Variants in KCNIP1 observed in about 807,000 individuals in gnomAD.
The protein encoded by KCNIP1 is potassium voltage-gated channel interacting protein 1, also known as A-type potassium channel modulatory protein KCNIP1.
KCNIP1 carries 18 observed loss-of-function variants against 33.0 expected under a neutral mutation model. The observed-to-expected ratio is 0.55, with a 90% CI of 0.38 to 0.81. The LOEUF (loss-of-function observed/expected upper bound fraction) is 0.81. KCNIP1 is among the 30% of genes least tolerant of loss of function. The probability of loss-of-function intolerance (pLI) is 0.00; values close to 1 mark genes in which losing one functional copy is unlikely to be tolerated. For synonymous variants in KCNIP1, 93 were observed against 98.3 expected (o/e 0.95, Z 0.32); for missense variants, 238 against 271.6 (o/e 0.88, Z 0.87).
intron 1 of KCNIP1, among the ~76,000 whole-genome samples, chr5:170,635,896 A>C (rs1760261726): frequency 6.6e-6 from 1 of 152,206 alleles, no homozygotes; most frequent in Non-Finnish European, 1.5e-5. Flanking sequence ...GCCCAGACAC[A>C]GGCCGGGAGG....
At chr5:170,719,569 G>A (rs1763748871) in intron 2 of KCNIP1, among the ~76,000 whole-genome samples, 1 of 152,100 alleles carries the variant, frequency 6.6e-6, no homozygotes, top group Admixed American at 6.5e-5. Context: ...GAGTGGGGTG[G>A]GCTACAGCGA....
chr5:170,732,760 C>A (rs376520679), intron 5 of KCNIP1, 40 bp from the exon 6 acceptor site: 25 of 1,370,754 alleles, frequency 1.8e-5, no homozygotes, highest in Non-Finnish European at 2.6e-5. Context: ...AGCTTGACCT[C>A]ATGGTTTCCA....
intron 1 of KCNIP1, among the ~76,000 whole-genome samples, chr5:170,666,469 T>C (rs1311848297): frequency 6.6e-6 from 1 of 152,226 alleles, no homozygotes; most frequent in Non-Finnish European, 1.5e-5. Flanking sequence ...TGGCTCCTAT[T>C]ATAATTTTCA....
chr5:170,481,740 G>A (rs1756981965), intron 1 of KCNIP1, among the ~76,000 whole-genome samples: 1 of 152,140 alleles, frequency 6.6e-6, no homozygotes, highest in South Asian at 2.1e-4. Flanking sequence ...TTATCTGAAG[G>A]GGCTTATGAA....
At chr5:170,450,634 C>T (rs1289157598) in intron 1 of KCNIP1, among the ~76,000 whole-genome samples, 2 of 152,150 alleles carry the variant, frequency 1.3e-5, no homozygotes, top group Non-Finnish European at 2.9e-5. Context: ...CTGTAAACCC[C>T]TTGTAGCTCT....
chr5:170,517,445 G>A (rs943140060), intron 1 of KCNIP1, among the ~76,000 whole-genome samples: 6 of 152,206 alleles, frequency 3.9e-5, no homozygotes, highest in African/African-American at 9.6e-5. Context: ...TGATGGCAGA[G>A]GTGTTGGTGA....
intron 1 of KCNIP1, among the ~76,000 whole-genome samples, chr5:170,604,810 T>C (rs975191642): frequency 6.6e-6 from 1 of 152,174 alleles, no homozygotes; most frequent in South Asian, 2.1e-4. Flanking sequence ...CCAAGACAGG[T>C]TCAGCCCCCC....
In KCNIP1 at chr5:170,682,784, C is replaced by CTTTTTTTTTTTTTTTTTTT. The variant is rs70979196; in HGVS notation, c.62-35967_62-35949dup. ...CAACAGCGTCCTATTTTCTTTGTTT[C>CTTTTTTTTTTTTTTTTTTT]TTTTTTTTTTTTTTTTTTTTTTTTT... On this transcript the variant is annotated intron_variant, in intron 1 of 7. Transcript: ENST00000328939. Among the ~76,000 whole-genome samples the CTTTTTTTTTTTTTTTTTTT allele has an allele frequency of 4.2e-3, 300 of 71,374 alleles. 49 individuals carry two copies. Among genetic ancestry groups the CTTTTTTTTTTTTTTTTTTT allele is most frequent in the South Asian group, 0.012 (15 of 1,224 alleles). 46.8% of individuals were successfully genotyped at this position (71,374 alleles called of 152,430 possible). A position where few individuals can be genotyped will look rare whatever the true frequency, so the allele number is the denominator to read the frequency against.
rs538523582 is a variant in KCNIP1, at chr5:170,354,934, G to A, written c.88+970G>A. 6.6e-5 allele frequency among the ~76,000 whole-genome samples: 10 copies of A among 152,308 alleles called. No individual in the cohort carries two copies. The East Asian group carries it at 1.5e-3, about 24-fold the overall frequency. Reference sequence around the variant, plus strand: ...GGGAGAGAGGCACTGGAAGCAGCAGGCAGAATATTCAGGGAAGGAGCCCAC... The same window carrying A: ...GGGAGAGAGGCACTGGAAGCAGCAGACAGAATATTCAGGGAAGGAGCCCAC... On this transcript the variant is annotated intron_variant, in intron 1 of 7. Coordinates refer to the KCNIP1 transcript ENST00000377360.
intron 1 of KCNIP1, among the ~76,000 whole-genome samples, chr5:170,492,967 A>C (rs746604969): frequency 1.3e-5 from 2 of 152,008 alleles, no homozygotes; most frequent in Admixed American, 1.3e-4. Context: ...CCAGGATGGT[A>C]TTGATTCCCT....
At chr5:170,725,541 G>T (rs1246998064) in intron 5 of KCNIP1, among the ~76,000 whole-genome samples, 1 of 152,066 alleles carries the variant, frequency 6.6e-6, no homozygotes, top group African/African-American at 2.4e-5. Context: ...GGGCTGTGGG[G>T]GAAGTTAGGA....
At position 170,360,831 on chromosome 5, in the gene KCNIP1, G is replaced by A. The variant is rs116566234; in HGVS notation, c.88+6867G>A. Among the ~76,000 whole-genome samples the A allele has an allele frequency of 3.4e-3, 515 of 152,354 alleles. 4 individuals carry two copies. Among genetic ancestry groups the A allele is most frequent in the African/African-American group, 0.012 (497 of 41,578 alleles). On this transcript the variant is annotated intron_variant, in intron 1 of 7. Coordinates refer to the KCNIP1 transcript ENST00000377360. ...AGTGCCTCAAGCACCTGCAGCCGAGGAAGGAAGGTTGAATAAATAACGACT... is the reference window on the plus strand; with the variant it reads ...AGTGCCTCAAGCACCTGCAGCCGAGAAAGGAAGGTTGAATAAATAACGACT...
intron 1 of KCNIP1, among the ~76,000 whole-genome samples, chr5:170,626,178 G>T (rs534277666): frequency 4.6e-5 from 7 of 152,174 alleles, no homozygotes; most frequent in African/African-American, 9.7e-5. Flanking sequence ...TGCATGCCAG[G>T]CCTGTGCCAC....
chr5:170,628,627 C>T (rs961809715), intron 1 of KCNIP1, among the ~76,000 whole-genome samples: 3 of 152,072 alleles, frequency 2.0e-5, no homozygotes, highest in African/African-American at 7.2e-5. Flanking sequence ...TGTCATAAAC[C>T]GCAGCATGGG....
At chr5:170,652,498 A>AAAAAGGAAGG (rs33995162) in intron 1 of KCNIP1, among the ~76,000 whole-genome samples, 17 of 103,048 alleles carry the variant, frequency 1.6e-4, no homozygotes, top group South Asian at 3.7e-4. Context: ...AAAAAAAAAA[A>AAAAAGGAAGG]AAGGAAGGAA....
intron 1 of KCNIP1, among the ~76,000 whole-genome samples, chr5:170,550,038 T>C (rs1173806112): frequency 6.6e-6 from 1 of 152,124 alleles, no homozygotes; most frequent in Non-Finnish European, 1.5e-5. Context: ...TGTAGGAGCA[T>C]TGGACTGTCG....
chr5:170,398,103 T>A (rs533666478), intron 1 of KCNIP1, among the ~76,000 whole-genome samples: 1 of 152,190 alleles, frequency 6.6e-6, no homozygotes, highest in African/African-American at 2.4e-5. Flanking sequence ...CGTTAAATGC[T>A]GGTCAGCTTT....
chr5:170,521,659 T>C (rs896179611), intron 1 of KCNIP1, among the ~76,000 whole-genome samples: 1 of 152,198 alleles, frequency 6.6e-6, no homozygotes, highest in Non-Finnish European at 1.5e-5. Context: ...CGGCCACCTT[T>C]AGGAGTGACA....
At chr5:170,670,902 CA>C (rs71310043) in intron 1 of KCNIP1, among the ~76,000 whole-genome samples, 13 of 93,832 alleles carry the variant, frequency 1.4e-4, no homozygotes, top group Non-Finnish European at 1.3e-4. Context: ...TCTCAAAAAA[CA>C]AAAAAAAAAA....
Sources: gnomAD v4.1 joint callset for allele counts (sites outside exome capture counted in the v4.1 genomes callset) on GRCh38, gnomAD v4.1.1 for gene constraint, MANE v1.5 for transcripts, NCBI Gene and HGNC (gene_info 2026-07-23, HGNC 2026-07-21) for gene names.